Variants in GALNT18 observed in about 807,000 individuals in gnomAD.
The protein encoded by GALNT18 is GalNAc-transferase 18.
A neutral mutation model predicts 69.5 loss-of-function variants in GALNT18; 44 were observed. That is an observed-to-expected ratio of 0.63 (90% confidence interval 0.50 to 0.81). The LOEUF (loss-of-function observed/expected upper bound fraction) is 0.81. Ranked by LOEUF, GALNT18 falls within the 40% of genes least tolerant of loss-of-function variation. GALNT18 has a pLI of 0.00. For missense variants in GALNT18, 715 were observed against 810.0 expected, an observed-to-expected ratio of 0.88 and a Z score of 1.42; for synonymous variants, 364 against 318.2, an observed-to-expected ratio of 1.14 and a Z score of -1.53.
Position 11,377,860 on chromosome 11 carries a change from T to G in GALNT18, c.780-481A>C, listed in dbSNP as rs1853807444. Among the ~76,000 whole-genome samples the G allele has an allele frequency of 6.6e-6, 1 of 152,128 alleles. No homozygotes were observed. Among genetic ancestry groups the G allele is most frequent in the African/African-American group, 2.4e-5 (1 of 41,418 alleles). ...CCTACATCCACCAGCCATGCGATGT[T>G]GCCCTGGAATGCCAGCTGTGCCACA... On this transcript the variant is annotated intron_variant, in intron 4 of 10. Coordinates refer to ENST00000227756, the MANE Select transcript of GALNT18 (RefSeq NM_198516.3). This position sits in a 1 kb window ranked among gnomAD's most constrained non-coding sequence, Gnocchi z 4.6.
At chr11:11,426,390 C>T (rs1855130922) in intron 3 of GALNT18, among the ~76,000 whole-genome samples, 1 of 152,206 alleles carries the variant, frequency 6.6e-6, no homozygotes, top group African/African-American at 2.4e-5. Flanking sequence ...AGCTGCAGCA[C>T]AGATGGAGGA....
intron 3 of GALNT18, among the ~76,000 whole-genome samples, chr11:11,400,993 G>T (rs560573691): frequency 6.6e-6 from 1 of 152,274 alleles, no homozygotes; most frequent in South Asian, 2.1e-4. Flanking sequence ...ATGGCTGAGG[G>T]TCGGCCGGGG....
intron 6 of GALNT18, among the ~76,000 whole-genome samples, chr11:11,364,007 A>G (rs974511929): frequency 6.6e-6 from 1 of 151,798 alleles, no homozygotes; most frequent in South Asian, 2.1e-4. Flanking sequence ...ATTGAAATAC[A>G]TCAAATATGT....
chr11:11,310,496 C>T (rs1184371446), intron 9 of GALNT18, among the ~76,000 whole-genome samples: 1 of 152,164 alleles, frequency 6.6e-6, no homozygotes, highest in African/African-American at 2.4e-5. Flanking sequence ...CCCAGTTGTA[C>T]AAGAAGCAAG....
At chr11:11,528,820 G>A (rs1857577128) in intron 1 of GALNT18, among the ~76,000 whole-genome samples, 1 of 152,242 alleles carries the variant, frequency 6.6e-6, no homozygotes, top group African/African-American at 2.4e-5. Flanking sequence ...TATAGGGGAA[G>A]AGGGCATGGG....
rs1857958592 is a variant in GALNT18, at chr11:11,542,849, T to C, written c.235+78510A>G. ...AAGGTTTTGTTTTGTTTTGCTTTGC[T>C]TTGCTTTGCTTTCTGAGACTCAGCC... On this transcript the variant is annotated intron_variant, in intron 1 of 10. Coordinates refer to ENST00000227756, the MANE Select transcript of GALNT18 (RefSeq NM_198516.3). The surrounding 1 kb of genome is among the most constrained non-coding windows in gnomAD (Gnocchi z 4.3). Among the ~76,000 whole-genome samples, 1 of 152,266 alleles carries C rather than the reference T, an allele frequency of 6.6e-6. No homozygotes were observed. Among genetic ancestry groups the C allele is most frequent in the South Asian group, 2.1e-4 (1 of 4,838 alleles).
At chr11:11,292,907 CACT>C in intron 10 of GALNT18, 119 bp downstream of exon 10, 1 of 867,412 alleles carries the variant, frequency 1.2e-6, no homozygotes, top group Middle Eastern at 3.1e-4. Context: ...GCCACAGCCT[CACT>C]ACTGCCAGTC....
intron 1 of GALNT18, among the ~76,000 whole-genome samples, chr11:11,487,458 C>A (rs10765859): frequency 0.66 from 100,128 of 152,136 alleles, 33,074 homozygotes; most frequent in Admixed American, 0.72. Context: ...ATATTGCATC[C>A]ACATTATTTA....
chr11:11,368,944 A>G (rs1417026017), intron 6 of GALNT18, among the ~76,000 whole-genome samples: 1 of 152,164 alleles, frequency 6.6e-6, no homozygotes, highest in Admixed American at 6.5e-5. Flanking sequence ...CCCTGTGGGA[A>G]TTGTGTGGCC....
Position 11,601,349 on chromosome 11 carries a change from T to C in GALNT18, c.235+20010A>G, listed in dbSNP as rs1859629680. On this transcript the variant is annotated intron_variant, in intron 1 of 10. Transcript: ENST00000227756. The surrounding 1 kb of genome is among the most constrained non-coding windows in gnomAD (Gnocchi z 4.0). The stretch of plus-strand genomic sequence containing the variant: ...GTCCTTTTCCCCCAACAGTGTGTAG[T>C]CTCTAATACTACTTCTTGAAGGTGA... Among the ~76,000 whole-genome samples, 2 of 152,112 alleles carry C rather than the reference T, an allele frequency of 1.3e-5. No individual in the cohort carries two copies. Among genetic ancestry groups the C allele is most frequent in the South Asian group, 4.1e-4 (2 of 4,826 alleles).
Position 11,377,720 on chromosome 11 carries a change from G to A in GALNT18, c.780-341C>T, listed in dbSNP as rs1257250918. ...AAAGAAGAAAAAGAAGAAAGAAACAGATCTGAGGCTCCAGAAAAAGCTTTC... is the reference window on the plus strand; with the variant it reads ...AAAGAAGAAAAAGAAGAAAGAAACAAATCTGAGGCTCCAGAAAAAGCTTTC... On this transcript the variant is annotated intron_variant, in intron 4 of 10. Coordinates refer to ENST00000227756, the MANE Select transcript of GALNT18 (RefSeq NM_198516.3). The surrounding 1 kb of genome is among the most constrained non-coding windows in gnomAD (Gnocchi z 4.6). Among the ~76,000 whole-genome samples, 1 of 151,970 alleles carries A rather than the reference G, an allele frequency of 6.6e-6. No homozygotes were observed. The highest frequency in any genetic ancestry group is 1.5e-5 in the Non-Finnish European group (1 of 68,002).
Position 11,402,117 on chromosome 11 carries a change from G to GCA in GALNT18, c.596-22855_596-22854dup, listed in dbSNP as rs1397675705. Among the ~76,000 whole-genome samples, 4 of 152,328 alleles carry GCA rather than the reference G, an allele frequency of 2.6e-5. No homozygotes were observed. Among genetic ancestry groups the GCA allele is most frequent in the Admixed American group, 2.0e-4 (3 of 15,302 alleles). On this transcript the variant is annotated intron_variant, in intron 3 of 10. Transcript: ENST00000227756. This position sits in a 1 kb window ranked among gnomAD's most constrained non-coding sequence, Gnocchi z 4.0. ...AATTCAAGGTAATCACAGATGGCTG[G>GCA]CACAGAATTCTTCACATAAAGGCAG...
chr11:11,529,015 G>C (rs1191871306), intron 1 of GALNT18, among the ~76,000 whole-genome samples: 1 of 152,132 alleles, frequency 6.6e-6, no homozygotes, highest in African/African-American at 2.4e-5. Context: ...AAGACACCTT[G>C]CTAGCTCCAT....
intron 1 of GALNT18, among the ~76,000 whole-genome samples, chr11:11,472,539 A>G (rs1856294988): frequency 6.6e-6 from 1 of 152,192 alleles, no homozygotes; most frequent in African/African-American, 2.4e-5. Context: ...AATCGGTAAC[A>G]AATGACAAGT....
chr11:11,340,743 AG>A lies in GALNT18; in HGVS notation c.1278+75del. On this transcript the variant is annotated intron_variant, in intron 7 of 10. Transcript: ENST00000227756. The surrounding 1 kb of genome is among the most constrained non-coding windows in gnomAD (Gnocchi z 4.2). Reference sequence around the variant, plus strand: ...GGACTCTGGCTGACCCATAGGAAGAAGGGTTCGGTCCCATATCTTGTTTTGT... The same window carrying A: ...GGACTCTGGCTGACCCATAGGAAGAAGGTTCGGTCCCATATCTTGTTTTGT... The A allele has an allele frequency of 7.3e-7, 1 of 1,370,154 alleles. No individual in the cohort carries two copies. The highest frequency in any genetic ancestry group is 2.4e-5 in the East Asian group (1 of 41,884). 84.9% of individuals were successfully genotyped at this position (1,370,154 alleles called of 1,614,324 possible). A position where few individuals can be genotyped will look rare whatever the true frequency, so the allele number is the denominator to read the frequency against.
intron 3 of GALNT18, among the ~76,000 whole-genome samples, chr11:11,423,073 C>T (rs749551743): frequency 7.2e-5 from 11 of 152,224 alleles, no homozygotes; most frequent in East Asian, 1.9e-4. Context: ...TGCGTAAGTG[C>T]GCACACACAG....
chr11:11,394,670 A>T (rs11021829), intron 3 of GALNT18, among the ~76,000 whole-genome samples: 15,543 of 152,228 alleles, frequency 0.1, 1,466 homozygotes, highest in East Asian at 0.41. Context: ...TCCACGCCTC[A>T]ATCATGGCCT....
At chr11:11,577,862 G>C (rs1858963764) in intron 1 of GALNT18, among the ~76,000 whole-genome samples, 1 of 152,158 alleles carries the variant, frequency 6.6e-6, no homozygotes, top group South Asian at 2.1e-4. Flanking sequence ...AAGGCTTCCA[G>C]GAAGAAGAAA....
At chr11:11,565,656 C>T (rs1331962826) in intron 1 of GALNT18, among the ~76,000 whole-genome samples, 1 of 152,160 alleles carries the variant, frequency 6.6e-6, no homozygotes, top group Non-Finnish European at 1.5e-5. Context: ...TTATATTAGG[C>T]ACCAAGGAGA....
Sources: allele counts gnomAD v4.1 joint callset (sites outside exome capture counted in the v4.1 genomes callset), GRCh38; gene constraint gnomAD v4.1.1; non-coding constraint Gnocchi (gnomAD v3.1); transcripts MANE v1.5; gene names NCBI Gene and HGNC (gene_info 2026-07-23, HGNC 2026-07-21).